Variants in TMIGD3 observed in about 807,000 individuals in gnomAD.
TMIGD3 encodes transmembrane and immunoglobulin domain containing 3, also known as AD026 protein (AD026).
A neutral mutation model predicts 28.1 loss-of-function variants in TMIGD3; 21 were observed. The observed-to-expected ratio is 0.75, with a 90% confidence interval of 0.53 to 1.08. The LOEUF is 1.08. Ranked by LOEUF, TMIGD3 falls within the 50% of genes least tolerant of loss-of-function variation. The probability of loss-of-function intolerance (pLI) is 0.00; values close to 1 mark genes in which losing one functional copy is unlikely to be tolerated. For missense variants in TMIGD3, 416 were observed against 435.6 expected (o/e 0.96, Z 0.40); for synonymous variants, 151 against 162.1 (o/e 0.93, Z 0.52).
intron 2 of TMIGD3, among the ~76,000 whole-genome samples, 160 bp from the exon 3 acceptor site, chr1:111,489,184 C>T (rs998888686): frequency 9.9e-5 from 15 of 152,094 alleles, no homozygotes; most frequent in African/African-American, 3.6e-4. Flanking sequence ...GAACTATGTC[C>T]CCTTCAAAAC....
chr1:111,537,061 T>C (rs143876113), intron 1 of TMIGD3, among the ~76,000 whole-genome samples: 1 of 152,326 alleles, frequency 6.6e-6, no homozygotes, highest in Non-Finnish European at 1.5e-5. Flanking sequence ...CCACCTTAGC[T>C]ACCCAAACTT....
intron 1 of TMIGD3, among the ~76,000 whole-genome samples, chr1:111,553,901 A>G (rs1248424551): frequency 6.6e-6 from 1 of 152,244 alleles, no homozygotes; most frequent in Non-Finnish European, 1.5e-5. Flanking sequence ...TTAAGAACCT[A>G]TACAAAGAGC....
At chr1:111,485,605 A>G (rs1265891771) in intron 5 of TMIGD3, 135 bp downstream of exon 5, 81 of 656,898 alleles carry the variant, frequency 1.2e-4, no homozygotes, top group Non-Finnish European at 2.6e-6. Flanking sequence ...ACCCCAGCCC[A>G]TGGCTGGCTG....
intron 1 of TMIGD3, among the ~76,000 whole-genome samples, chr1:111,552,572 T>C (rs1657313379): frequency 6.6e-6 from 1 of 152,204 alleles, no homozygotes; most frequent in Non-Finnish European, 1.5e-5. Context: ...TTATCCACTA[T>C]ATCCAGAAAA....
chr1:111,496,381 C>G (rs900063747), intron 1 of TMIGD3, among the ~76,000 whole-genome samples: 1 of 152,158 alleles, frequency 6.6e-6, no homozygotes, highest in Non-Finnish European at 1.5e-5. Flanking sequence ...ACACCTAAAG[C>G]CTTTCCCTTT....
intron 1 of TMIGD3, among the ~76,000 whole-genome samples, chr1:111,509,924 T>C (rs1655634726): frequency 6.6e-6 from 1 of 152,236 alleles, no homozygotes; most frequent in Non-Finnish European, 1.5e-5. Context: ...CAGCAGCAAA[T>C]GGCAGAGCTA....
At chr1:111,546,426 T>A (rs147620512) in intron 1 of TMIGD3, among the ~76,000 whole-genome samples, 104 of 152,260 alleles carry the variant, frequency 6.8e-4, no homozygotes, top group South Asian at 2.9e-3. Context: ...TCCCCATTCC[T>A]TCCTCTCCCA....
intron 2 of TMIGD3, chr1:111,490,445 C>A: frequency 1.8e-6 from 1 of 561,408 alleles, no homozygotes; most frequent in South Asian, 2.4e-5. Flanking sequence ...TTTAGTCAAG[C>A]TTTTCAATTT....
At chr1:111,526,025 A>G (rs979782180) in intron 1 of TMIGD3, among the ~76,000 whole-genome samples, 17 of 151,852 alleles carry the variant, frequency 1.1e-4, no homozygotes, top group African/African-American at 3.6e-4. Context: ...TTTTTTTTCT[A>G]TTCCATCTGT....
chr1:111,511,920 A>G (rs377564730), intron 1 of TMIGD3, among the ~76,000 whole-genome samples: 23 of 152,336 alleles, frequency 1.5e-4, no homozygotes, highest in African/African-American at 5.5e-4. Flanking sequence ...CACAGTGTTC[A>G]TGATGGGGTT....
intron 1 of TMIGD3, among the ~76,000 whole-genome samples, chr1:111,529,520 C>T (rs1423952055): frequency 1.3e-5 from 2 of 149,338 alleles, no homozygotes; most frequent in African/African-American, 5.0e-5. Flanking sequence ...CTGCGGCCTT[C>T]CGCAGTGTTT....
intron 1 of TMIGD3, among the ~76,000 whole-genome samples, chr1:111,518,857 A>G (rs4839142): frequency 0.28 from 42,529 of 152,156 alleles, 6,578 homozygotes; most frequent in Non-Finnish European, 0.36. Context: ...TAGATGTAAG[A>G]TTTTTGGAGC....
intron 1 of TMIGD3, among the ~76,000 whole-genome samples, chr1:111,545,524 A>T (rs1254794871): frequency 6.6e-6 from 1 of 151,996 alleles, no homozygotes; most frequent in Non-Finnish European, 1.5e-5. Flanking sequence ...TGGCTACTAG[A>T]CTATTATCAG....
chr1:111,499,818 A>G, intron 1 of TMIGD3: 2 of 1,504,744 alleles, frequency 1.3e-6, no homozygotes, highest in Non-Finnish European at 1.8e-6. Flanking sequence ...ATTGGGGAGC[A>G]CTGGAGATGC....
chr1:111,541,200 G>A (rs765162160), intron 1 of TMIGD3, among the ~76,000 whole-genome samples: 4 of 152,190 alleles, frequency 2.6e-5, no homozygotes, highest in Non-Finnish European at 5.9e-5. Context: ...ATAGCTTGCT[G>A]ACTTCTGCTA....
At chr1:111,534,022 T>C (rs2798563) in intron 1 of TMIGD3, among the ~76,000 whole-genome samples, 146,027 of 152,192 alleles carry the variant, frequency 0.96, 70,276 homozygotes, top group Non-Finnish European at 1. Flanking sequence ...TTCATAGATT[T>C]GTTCTGAGGA....
chr1:111,543,523 A>G (rs570006730), intron 1 of TMIGD3, among the ~76,000 whole-genome samples: 24 of 152,230 alleles, frequency 1.6e-4, no homozygotes, highest in South Asian at 6.2e-4. Context: ...TGTTAACACA[A>G]TCCTTTCTGG....
intron 1 of TMIGD3, among the ~76,000 whole-genome samples, chr1:111,553,154 T>G (rs889675350): frequency 2.6e-5 from 4 of 152,244 alleles, no homozygotes; most frequent in African/African-American, 4.8e-5. Flanking sequence ...GATGGCCTTA[T>G]TTTTGGACTG....
At chr1:111,508,895 G>A (rs1655600939) in intron 1 of TMIGD3, among the ~76,000 whole-genome samples, 1 of 152,210 alleles carries the variant, frequency 6.6e-6, no homozygotes, top group South Asian at 2.1e-4. Context: ...AGGCGTTCTA[G>A]ACCAGCGTGA....
Sources: gnomAD v4.1 joint callset for allele counts (sites outside exome capture counted in the v4.1 genomes callset) on GRCh38, gnomAD v4.1.1 for gene constraint, MANE v1.5 for transcripts, NCBI Gene and HGNC (gene_info 2026-07-23, HGNC 2026-07-21) for gene names.